The following CLOCK variants were observed in gnomAD, a reference collection of about 807,000 sequenced individuals.
The protein encoded by CLOCK is clock circadian regulator.
A neutral mutation model predicts 118.4 loss-of-function variants in CLOCK; 43 were observed. That is an observed-to-expected ratio of 0.36 (90% CI 0.28 to 0.47). The LOEUF (loss-of-function observed/expected upper bound fraction) is 0.47, where lower values mean the gene tolerates loss of function less well. Ranked by LOEUF, CLOCK falls within the 20% of genes least tolerant of loss-of-function variation. The probability of loss-of-function intolerance (pLI) is 1.00; values close to 1 mark genes in which losing one functional copy is unlikely to be tolerated. For missense variants in CLOCK, 846 were observed against 999.9 expected (o/e 0.85, Z 2.08); for synonymous variants, 326 against 339.2 (o/e 0.96, Z 0.43).
chr4:55,524,023 C>T (rs193122890), intron 1 of CLOCK, among the ~76,000 whole-genome samples: 4 of 152,190 alleles, frequency 2.6e-5, no homozygotes, highest in African/African-American at 7.2e-5. Flanking sequence ...TAAATTTTGG[C>T]ATGCAGACAC....
At chr4:55,519,509 A>G (rs896573396) in intron 1 of CLOCK, among the ~76,000 whole-genome samples, 3 of 152,214 alleles carry the variant, frequency 2.0e-5, no homozygotes, top group Non-Finnish European at 4.4e-5. Context: ...TCATTGGACC[A>G]GGCGTGGTAG....
chr4:55,429,662 G>A lies in CLOCK; in HGVS notation c.*5753C>T, dbSNP rs529773536. 1 of 152,274 alleles carries A rather than the reference G, an allele frequency of 6.6e-6. No individual in the cohort carries two copies. Among genetic ancestry groups the A allele is most frequent in the East Asian group, 1.9e-4 (1 of 5,190 alleles). The allele number at this position is 152,274 out of a possible 1,614,324, so 9.4% of individuals were successfully genotyped here. On this transcript the variant is annotated 3_prime_UTR_variant, in exon 23 of 23. Transcript: ENST00000513440. ...TTCTTTTACTAACATTTCCCCAAAT[G>A]GGCAAAATAGAGGCATCATGTGCCA...
At chr4:55,457,553 G>T (rs1455313678) in intron 11 of CLOCK, among the ~76,000 whole-genome samples, 1 of 152,132 alleles carries the variant, frequency 6.6e-6, no homozygotes, top group Admixed American at 6.6e-5. Flanking sequence ...AACCTTCAGT[G>T]GTTCCTTGTG....
chr4:55,468,536 AT>A (rs1725891776), intron 8 of CLOCK, among the ~76,000 whole-genome samples: 1 of 152,360 alleles, frequency 6.6e-6, no homozygotes, highest in South Asian at 2.1e-4. Context: ...ATGAATTAAA[AT>A]ATGGCCAATA....
At chr4:55,482,309 C>A (rs1209575927) in intron 4 of CLOCK, among the ~76,000 whole-genome samples, 1 of 152,102 alleles carries the variant, frequency 6.6e-6, no homozygotes, top group African/African-American at 2.4e-5. Flanking sequence ...ACCCTTTTCC[C>A]AAGAGTATGA....
At chr4:55,544,729 A>T (rs528390015) in intron 1 of CLOCK, among the ~76,000 whole-genome samples, 1 of 152,170 alleles carries the variant, frequency 6.6e-6, no homozygotes, top group Non-Finnish European at 1.5e-5. Flanking sequence ...TACACACAAA[A>T]ATTTGAAAAC....
At position 55,444,671 on chromosome 4, in the gene CLOCK, G is replaced by T. The variant is rs1279304508; in HGVS notation, c.1654C>A (p.Gln552Lys). 1 of 1,614,026 alleles carries T rather than the reference G, an allele frequency of 6.2e-7. No homozygotes were observed. Among genetic ancestry groups the T allele is most frequent in the Admixed American group, 1.7e-5 (1 of 60,010 alleles). The change falls in exon 19 of 23, where the codon CAA becomes AAA. Residue 552 changes from glutamine to lysine, a missense_variant. Transcript: ENST00000513440. ...HRQQEELRKI[Q>K]EQLQMVHGQG... The stretch of plus-strand genomic sequence containing the variant: ...CCATGGACCATCTGAAGTTGTTCTT[G>T]AATTTTTCTTAGTTCTTCTTGTTGC...
At chr4:55,506,420 C>G (rs879029230) in intron 2 of CLOCK, among the ~76,000 whole-genome samples, 2 of 151,428 alleles carry the variant, frequency 1.3e-5, no homozygotes, top group Admixed American at 6.6e-5. Context: ...AAGTGGAATT[C>G]TTAAAAAAAA....
rs35888413 is a variant in CLOCK, at chr4:55,436,892, CTTTTTTTTT to C, written c.2362-1307_2362-1299del. On this transcript the variant is annotated intron_variant, in intron 22 of 22. Coordinates refer to ENST00000513440, the MANE Select transcript of CLOCK (RefSeq NM_004898.4). ...TGTGGGTCCTATGTCTTTGGGATGC[CTTTTTTTTT>C]TTTTTTTTTTTGAGAATGTTTATTC... Among the ~76,000 whole-genome samples the C allele has an allele frequency of 5.8e-3, 573 of 98,364 alleles. 6 individuals carry two copies. The highest frequency in any genetic ancestry group is 7.0e-3 in the Non-Finnish European group (350 of 49,868). The allele number at this position is 98,364 out of a possible 152,430, so 64.5% of individuals were successfully genotyped here. A position where few individuals can be genotyped will look rare whatever the true frequency, so the allele number is the denominator to read the frequency against.
chr4:55,439,056 C>T (rs1442434047), intron 21 of CLOCK, among the ~76,000 whole-genome samples: 2 of 152,134 alleles, frequency 1.3e-5, no homozygotes, highest in African/African-American at 2.4e-5. Context: ...GCACTATCAA[C>T]AGAGTAAAAA....
chr4:55,429,807 T>G lies in CLOCK; in HGVS notation c.*5608A>C, dbSNP rs1414707457. On this transcript the variant is annotated 3_prime_UTR_variant, in exon 23 of 23. Transcript: ENST00000513440. ...AGGTTGGAACTGTATGAATCAGATT[T>G]GAAAGGAGTTATTTCTAAAATTCTT... 6.6e-6 allele frequency: 1 copy of G among 152,298 alleles called. No homozygotes were observed. The highest frequency in any genetic ancestry group is 1.5e-5 in the Non-Finnish European group (1 of 68,028). The allele number at this position is 152,298 out of a possible 1,614,324, so 9.4% of individuals were successfully genotyped here. A position where few individuals can be genotyped will look rare whatever the true frequency, so the allele number is the denominator to read the frequency against.
chr4:55,438,114 G>GA (rs377257788), intron 22 of CLOCK, among the ~76,000 whole-genome samples, 168 bp downstream of exon 22: 4 of 151,952 alleles, frequency 2.6e-5, no homozygotes, highest in Admixed American at 1.3e-4. Flanking sequence ...AGCAAGGGAA[G>GA]AAAAAAAATC....
At chr4:55,521,912 G>C (rs1228857511) in intron 1 of CLOCK, among the ~76,000 whole-genome samples, 3 of 152,170 alleles carry the variant, frequency 2.0e-5, no homozygotes, top group Middle Eastern at 3.2e-3. Context: ...AGAAAATGGA[G>C]AGAGCAGTCC....
intron 1 of CLOCK, among the ~76,000 whole-genome samples, chr4:55,514,496 T>C (rs1270328537): frequency 7.6e-6 from 1 of 131,418 alleles, no homozygotes; most frequent in African/African-American, 2.7e-5. Flanking sequence ...TTAGAACATT[T>C]TTATCCCCCC....
At chr4:55,476,193 G>A (rs1656742069) in intron 6 of CLOCK, 139 bp from the exon 7 acceptor site, 1 of 656,972 alleles carries the variant, frequency 1.5e-6, no homozygotes, top group Non-Finnish European at 2.8e-6. Flanking sequence ...GATATCAAGA[G>A]GTCCAGGTTT....
intron 13 of CLOCK, among the ~76,000 whole-genome samples, chr4:55,454,311 T>G (rs1343234013): frequency 6.6e-6 from 1 of 151,920 alleles, no homozygotes; most frequent in Non-Finnish European, 1.5e-5. Context: ...TTAACAGATA[T>G]TAAACAAAAA....
At chr4:55,538,248 G>T (rs188269028) in intron 1 of CLOCK, among the ~76,000 whole-genome samples, 1 of 151,886 alleles carries the variant, frequency 6.6e-6, no homozygotes, top group Non-Finnish European at 1.5e-5. Flanking sequence ...TCAGGCATGT[G>T]AAGAGACGGA....
chr4:55,497,224 G>A (rs947589547), intron 2 of CLOCK, among the ~76,000 whole-genome samples: 5 of 152,202 alleles, frequency 3.3e-5, no homozygotes, highest in East Asian at 1.9e-4. Flanking sequence ...GAGGCCACCC[G>A]TATTCTTTAG....
intron 15 of CLOCK, among the ~76,000 whole-genome samples, chr4:55,450,760 C>T (rs1032387151): frequency 2.5e-5 from 3 of 118,364 alleles, no homozygotes; most frequent in Admixed American, 9.7e-5. Context: ...AAGAGCGAGA[C>T]TCCATCTCAA....
Sources: allele counts gnomAD v4.1 joint callset (sites outside exome capture counted in the v4.1 genomes callset), GRCh38; gene constraint gnomAD v4.1.1; transcripts MANE v1.5; gene names NCBI Gene and HGNC (gene_info 2026-07-23, HGNC 2026-07-21).